The following SNTG1 variants were observed in gnomAD, a reference collection of about 807,000 sequenced individuals.
The protein encoded by SNTG1 is gamma-1-syntrophin.
Under a neutral mutation model 74.7 loss-of-function variants are expected in SNTG1, and 39 were observed. The observed-to-expected ratio is 0.52, with a 90% CI of 0.40 to 0.68. SNTG1 has a LOEUF of 0.68. SNTG1 is among the 30% of genes least tolerant of loss of function. The pLI is 0.00. For synonymous variants in SNTG1, 254 were observed against 217.1 expected, an observed-to-expected ratio of 1.17 and a Z score of -1.49; for missense variants, 685 against 609.5, an observed-to-expected ratio of 1.12 and a Z score of -1.30.
chr8:50,132,424 A>G (rs1441167604), intron 1 of SNTG1, among the ~76,000 whole-genome samples: 1 of 152,146 alleles, frequency 6.6e-6, no homozygotes, highest in Non-Finnish European at 1.5e-5. Flanking sequence ...TGGACCTGTG[A>G]AAACACCAAA....
At chr8:50,751,685 C>G (rs995970546) in intron 17 of SNTG1, among the ~76,000 whole-genome samples, 4 of 151,948 alleles carry the variant, frequency 2.6e-5, no homozygotes, top group African/African-American at 9.7e-5. Flanking sequence ...ATCACTTTGT[C>G]ACTTCTATTG....
intron 2 of SNTG1, among the ~76,000 whole-genome samples, chr8:50,173,098 G>A (rs1308283625): frequency 6.7e-6 from 1 of 150,184 alleles, no homozygotes; most frequent in East Asian, 1.9e-4. Flanking sequence ...TGCGATGCTT[G>A]GCAGGGTGAC....
intron 1 of SNTG1, among the ~76,000 whole-genome samples, chr8:50,042,852 C>T (rs192457278): frequency 1.4e-4 from 21 of 152,264 alleles, no homozygotes; most frequent in African/African-American, 4.8e-4. Context: ...CCACCTTAGC[C>T]TCTCAAAGCA....
At chr8:50,565,843 A>G (rs1044930260) in intron 12 of SNTG1, among the ~76,000 whole-genome samples, 5 of 152,010 alleles carry the variant, frequency 3.3e-5, no homozygotes, top group African/African-American at 1.2e-4. Flanking sequence ...CCTAAAGTTT[A>G]TATATAAACA....
intron 1 of SNTG1, among the ~76,000 whole-genome samples, chr8:50,042,650 G>A (rs2130825351): frequency 6.6e-6 from 1 of 152,202 alleles, no homozygotes. Flanking sequence ...TCAAACTCCT[G>A]GGCTCAAGTG....
intron 1 of SNTG1, among the ~76,000 whole-genome samples, chr8:50,165,928 G>T (rs2082599520): frequency 6.7e-6 from 1 of 149,932 alleles, no homozygotes; most frequent in Non-Finnish European, 1.5e-5. Flanking sequence ...CAGAGATATA[G>T]ATCAATGGAA....
intron 12 of SNTG1, among the ~76,000 whole-genome samples, chr8:50,566,287 A>G (rs1279425584): frequency 6.6e-6 from 1 of 152,014 alleles, no homozygotes; most frequent in Non-Finnish European, 1.5e-5. Flanking sequence ...AAATCTGCAT[A>G]TAGTCCCAAA....
At chr8:50,384,040 A>G (rs1051775660) in intron 2 of SNTG1, among the ~76,000 whole-genome samples, 1 of 152,220 alleles carries the variant, frequency 6.6e-6, no homozygotes, top group Non-Finnish European at 1.5e-5. Flanking sequence ...AAGTTTTGCT[A>G]GTAAGTAGAG....
chr8:50,364,510 A>G (rs1045463106), intron 2 of SNTG1, among the ~76,000 whole-genome samples: 1 of 152,174 alleles, frequency 6.6e-6, no homozygotes, highest in African/African-American at 2.4e-5. Flanking sequence ...GAAATGGGTG[A>G]GAACAACTTT....
intron 1 of SNTG1, among the ~76,000 whole-genome samples, chr8:49,922,313 T>A (rs751573346): frequency 8.5e-5 from 13 of 152,108 alleles, no homozygotes; most frequent in Non-Finnish European, 1.8e-4. Context: ...AATTATCTAC[T>A]TTCTGGAGGC....
intron 13 of SNTG1, among the ~76,000 whole-genome samples, chr8:50,654,545 A>G (rs2131256357): frequency 6.6e-6 from 1 of 152,326 alleles, no homozygotes; most frequent in South Asian, 2.1e-4. Context: ...AAATGCCTAA[A>G]TATTCAGTTC....
At position 50,518,967 on chromosome 8, in the gene SNTG1, A is replaced by T. The variant is rs527840082; in HGVS notation, c.467-11210A>T. On this transcript the variant is annotated intron_variant, in intron 9 of 18. Coordinates refer to ENST00000642720, the MANE Select transcript of SNTG1 (RefSeq NM_018967.5). ...TAACTCATTTTATGAGGCCATTATC[A>T]TCCTAATACTAAAACCTGGCAGAGC... Among the ~76,000 whole-genome samples, 3 of 152,296 alleles carry T rather than the reference A, an allele frequency of 2.0e-5. No homozygotes were observed. In the East Asian group the frequency reaches 5.8e-4, roughly 29 times the overall value.
intron 2 of SNTG1, among the ~76,000 whole-genome samples, chr8:50,284,384 C>G (rs2088643972): frequency 6.6e-6 from 1 of 152,132 alleles, no homozygotes; most frequent in Admixed American, 6.5e-5. Flanking sequence ...CTCAAGCAGA[C>G]ATACCCTGAA....
intron 15 of SNTG1, among the ~76,000 whole-genome samples, chr8:50,689,188 G>A (rs1169165386): frequency 1.3e-5 from 2 of 152,016 alleles, no homozygotes; most frequent in Non-Finnish European, 2.9e-5. Flanking sequence ...CAATCCTGTA[G>A]TCTGCAAACA....
intron 2 of SNTG1, among the ~76,000 whole-genome samples, chr8:50,213,944 T>C (rs1036533822): frequency 3.3e-5 from 5 of 152,010 alleles, no homozygotes; most frequent in Non-Finnish European, 5.9e-5. Flanking sequence ...TTAGATCCCA[T>C]TTGTCAATTT....
At chr8:50,687,640 A>G (rs2095358464) in intron 15 of SNTG1, among the ~76,000 whole-genome samples, 1 of 152,214 alleles carries the variant, frequency 6.6e-6, no homozygotes, top group South Asian at 2.1e-4. Context: ...TTACATATGT[A>G]TACATGTGCC....
intron 2 of SNTG1, among the ~76,000 whole-genome samples, chr8:50,341,991 T>C (rs958627524): frequency 6.6e-6 from 1 of 152,070 alleles, no homozygotes; most frequent in Non-Finnish European, 1.5e-5. Flanking sequence ...ATTCCAAATA[T>C]TGTGCTTTTC....
In SNTG1 at chr8:49,952,558, G is replaced by A. The variant is rs148875479; in HGVS notation, c.-103+40327G>A. On this transcript the variant is annotated intron_variant, in intron 1 of 18. Transcript: ENST00000642720. ...ATAGAATAGGTTAGAGAAATAGGCA[G>A]TAGGCTGAGGGTTTAAGGAGGTACG... Among the ~76,000 whole-genome samples, 54 of 152,336 alleles carry A rather than the reference G, an allele frequency of 3.5e-4. 1 individual carries two copies. The East Asian group carries it at 6.8e-3, about 19-fold the overall frequency.
chr8:50,069,822 G>C (rs1200010232), intron 1 of SNTG1, among the ~76,000 whole-genome samples: 2 of 151,596 alleles, frequency 1.3e-5, no homozygotes, highest in Non-Finnish European at 2.9e-5. Context: ...CTTCCTGCTG[G>C]GTTCACTAAG....
Sources: allele counts gnomAD v4.1 joint callset (sites outside exome capture counted in the v4.1 genomes callset), GRCh38; gene constraint gnomAD v4.1.1; transcripts MANE v1.5; gene names NCBI Gene and HGNC (gene_info 2026-07-23, HGNC 2026-07-21).